KCNN3: variants seen among roughly 807,000 people sequenced by gnomAD.
KCNN3 encodes the protein potassium calcium-activated channel subfamily N member 3.
In KCNN3, 16 loss-of-function variants were observed where a neutral mutation model predicts 62.9. That is an observed-to-expected ratio of 0.25 (90% CI 0.17 to 0.39). KCNN3 has a LOEUF of 0.39. KCNN3 is among the 10% of genes least tolerant of loss of function. The probability of loss-of-function intolerance (pLI) is 1.00; values close to 1 mark genes in which losing one functional copy is unlikely to be tolerated. For missense variants in KCNN3, 599 were observed against 949.4 expected, an observed-to-expected ratio of 0.63 and a Z score of 4.85; for synonymous variants, 370 against 389.2, an observed-to-expected ratio of 0.95 and a Z score of 0.58.
chr1:154,798,279 T>C (rs948475532), intron 2 of KCNN3, among the ~76,000 whole-genome samples: 1 of 152,248 alleles, frequency 6.6e-6, no homozygotes, highest in Admixed American at 6.5e-5. Flanking sequence ...GGCATTGACC[T>C]GTACCAGGCC....
chr1:154,809,682 A>C lies in KCNN3; in HGVS notation c.1029+12407T>G, dbSNP rs1023867148. Among the ~76,000 whole-genome samples, 1 of 152,180 alleles carries C rather than the reference A, an allele frequency of 6.6e-6. No individual in the cohort carries two copies. Among genetic ancestry groups the C allele is most frequent in the African/African-American group, 2.4e-5 (1 of 41,438 alleles). On this transcript the variant is annotated intron_variant, in intron 2 of 7. Transcript: ENST00000271915. This position sits in a 1 kb window ranked among gnomAD's most constrained non-coding sequence, Gnocchi z 4.3. ...ATGCTAAAAGGCCTGGACAGACTAG[A>C]ATGAAGGGCTGAAACAGCTGCAGGG...
chr1:154,713,736 A>C (rs1306539066), intron 6 of KCNN3, among the ~76,000 whole-genome samples: 1 of 151,618 alleles, frequency 6.6e-6, no homozygotes, highest in Non-Finnish European at 1.5e-5. Flanking sequence ...ACGCATGCTC[A>C]CCTTCAGTCA....
chr1:154,864,172 C>T (rs1652871451), intron 1 of KCNN3, among the ~76,000 whole-genome samples: 1 of 152,206 alleles, frequency 6.6e-6, no homozygotes, highest in African/African-American at 2.4e-5. Context: ...GCATCCTGGT[C>T]CTGCAGGTCA....
intron 3 of KCNN3, among the ~76,000 whole-genome samples, chr1:154,762,616 A>G (rs995154710): frequency 6.6e-6 from 1 of 152,204 alleles, no homozygotes; most frequent in Non-Finnish European, 1.5e-5. Flanking sequence ...TGCTCTTTAA[A>G]TAAGTTCATA....
At chr1:154,767,764 G>C (rs894869991) in intron 3 of KCNN3, among the ~76,000 whole-genome samples, 1 of 152,192 alleles carries the variant, frequency 6.6e-6, no homozygotes, top group Non-Finnish European at 1.5e-5. Context: ...GCCTCTCTGG[G>C]GGCCAAGGAA....
At chr1:154,815,597 A>G (rs1650630737) in intron 2 of KCNN3, among the ~76,000 whole-genome samples, 1 of 152,228 alleles carries the variant, frequency 6.6e-6, no homozygotes, top group South Asian at 2.1e-4. Context: ...CTGGATTCTC[A>G]ATGCCTAGCA....
At chr1:154,763,756 T>A (rs1184488567) in intron 3 of KCNN3, among the ~76,000 whole-genome samples, 1 of 152,212 alleles carries the variant, frequency 6.6e-6, no homozygotes, top group Non-Finnish European at 1.5e-5. Flanking sequence ...CCGAGCAACT[T>A]TTCTGATGTT....
intron 1 of KCNN3, chr1:154,868,250 C>T: frequency 1.0e-6 from 1 of 985,606 alleles, no homozygotes; most frequent in Non-Finnish European, 1.2e-6. Context: ...CTGCTCTGCC[C>T]AGGTAACACC....
intron 1 of KCNN3, among the ~76,000 whole-genome samples, chr1:154,856,736 C>T (rs1652549106): frequency 3.3e-5 from 5 of 152,186 alleles, no homozygotes; most frequent in Admixed American, 3.3e-4. Context: ...TGAATCAAAG[C>T]ACTGAGACAG....
At chr1:154,800,862 T>C (rs1164295051) in intron 2 of KCNN3, among the ~76,000 whole-genome samples, 1 of 149,150 alleles carries the variant, frequency 6.7e-6, no homozygotes, top group Non-Finnish European at 1.5e-5. Context: ...CTGGGCAACA[T>C]AGCAAAACCC....
intron 3 of KCNN3, 54 bp from the exon 4 acceptor site, chr1:154,733,198 G>A (rs1392503944): frequency 2.5e-6 from 4 of 1,589,608 alleles, no homozygotes; most frequent in Non-Finnish European, 3.5e-6. Flanking sequence ...TGGGAGTAAG[G>A]GCTGTGGGCA....
At chr1:154,735,644 C>A (rs1341674834) in intron 3 of KCNN3, among the ~76,000 whole-genome samples, 1 of 152,130 alleles carries the variant, frequency 6.6e-6, no homozygotes, top group Admixed American at 6.5e-5. Context: ...TGCGTCTACC[C>A]CTGACCGTGA....
At chr1:154,722,250 T>C (rs1035080642) in intron 5 of KCNN3, among the ~76,000 whole-genome samples, 2 of 152,172 alleles carry the variant, frequency 1.3e-5, no homozygotes, top group African/African-American at 4.8e-5. Flanking sequence ...CATATACCGG[T>C]AAGAGACTGC....
intron 1 of KCNN3, among the ~76,000 whole-genome samples, chr1:154,838,044 C>T (rs751554567): frequency 9.9e-5 from 15 of 152,198 alleles, no homozygotes; most frequent in Non-Finnish European, 1.9e-4. Context: ...CACCCCTCTC[C>T]CTCCAGCTGC....
At chr1:154,753,316 G>A (rs984881722) in intron 3 of KCNN3, among the ~76,000 whole-genome samples, 3 of 151,930 alleles carry the variant, frequency 2.0e-5, no homozygotes, top group African/African-American at 7.3e-5. Flanking sequence ...ACAATGAGCC[G>A]CTTCTGCCTG....
At chr1:154,846,456 GC>G (rs796364347) in intron 1 of KCNN3, among the ~76,000 whole-genome samples, 8 of 152,300 alleles carry the variant, frequency 5.3e-5, no homozygotes, top group African/African-American at 1.9e-4. Flanking sequence ...AGGAGCGTCT[GC>G]CCCCCGGGAG....
chr1:154,846,138 C>A (rs900204886), intron 1 of KCNN3, among the ~76,000 whole-genome samples: 2 of 152,150 alleles, frequency 1.3e-5, no homozygotes, highest in African/African-American at 2.4e-5. Context: ...TCCTGCCAGG[C>A]CCAAGGGAGA....
chr1:154,813,738 C>T (rs546279551), intron 2 of KCNN3, among the ~76,000 whole-genome samples: 4 of 152,290 alleles, frequency 2.6e-5, no homozygotes, highest in African/African-American at 9.6e-5. Context: ...AGAGCATGAT[C>T]CAGGATGACA....
chr1:154,738,126 C>G (rs138279051), intron 3 of KCNN3, among the ~76,000 whole-genome samples: 4 of 152,236 alleles, frequency 2.6e-5, no homozygotes, highest in African/African-American at 9.6e-5. Flanking sequence ...CTCACTGTCC[C>G]CAGCACAGTG....
Sources: gnomAD v4.1 joint callset for allele counts (sites outside exome capture counted in the v4.1 genomes callset) on GRCh38, gnomAD v4.1.1 for gene constraint, Gnocchi (gnomAD v3.1) non-coding constraint, MANE v1.5 for transcripts, NCBI Gene and HGNC (gene_info 2026-07-23, HGNC 2026-07-21) for gene names.